Variants in GOLGA4 observed in about 807,000 individuals in gnomAD.
GOLGA4 encodes golgin A4, also known as golgin subfamily A member 4.
A neutral mutation model predicts 265.9 loss-of-function variants in GOLGA4; 169 were observed. The observed-to-expected ratio is 0.64, with a 90% CI of 0.56 to 0.72. The LOEUF (loss-of-function observed/expected upper bound fraction) is 0.72, where lower values mean the gene tolerates loss of function less well. GOLGA4 is among the 30% of genes least tolerant of loss of function. The pLI is 0.00. For missense variants in GOLGA4, 2,482 were observed against 2,483.4 expected (o/e 1.00, Z 0.01); for synonymous variants, 923 against 855.8 (o/e 1.08, Z -1.37).
chr3:37,269,948 C>T (rs1244400694), intron 2 of GOLGA4, among the ~76,000 whole-genome samples: 1 of 122,454 alleles, frequency 8.2e-6, no homozygotes, highest in Non-Finnish European at 1.6e-5. Flanking sequence ...GGCTGAAGTG[C>T]AGTGTTGTGA....
intron 21 of GOLGA4, among the ~76,000 whole-genome samples, chr3:37,349,611 T>C (rs1225878667): frequency 6.6e-6 from 1 of 152,154 alleles, no homozygotes; most frequent in Non-Finnish European, 1.5e-5. Flanking sequence ...CCTGTAGGTA[T>C]TGGGAGGGGG....
intron 10 of GOLGA4, among the ~76,000 whole-genome samples, chr3:37,311,717 A>C (rs2150912923): frequency 6.6e-6 from 1 of 152,296 alleles, no homozygotes; most frequent in Admixed American, 6.5e-5. Context: ...TTTAGATGAA[A>C]AGAACTGTGA....
At position 37,327,267 on chromosome 3, in the gene GOLGA4, T is replaced by C. The variant is rs78214260; in HGVS notation, c.5381T>C (p.Ile1794Thr). ...EAKQHEDQSM[I>T]GHLQEELEEK... is the part of the protein sequence containing the mutation. ...AAGCAACATGAAGATCAAAGTATGA[T>C]AGGTCATCTTCAAGAGGAGCTTGAA... The change falls in exon 14 of 24, where the codon ATA (isoleucine) becomes ACA (threonine). Residue 1794 changes from isoleucine (I) to threonine (T), a missense_variant. Ile to Thr is a moderately conservative substitution (Grantham distance 89). This residue lies in a region of GOLGA4 where 942 missense variants were observed against 983.1 expected (regional missense o/e 0.96). Transcript: ENST00000361924. 0.032 allele frequency: 51,955 copies of C among 1,613,466 alleles called. 1,028 individuals are homozygous for C. The highest frequency in any genetic ancestry group is 0.056 in the African/African-American group (4,197 of 74,976).
intron 2 of GOLGA4, among the ~76,000 whole-genome samples, chr3:37,278,813 C>CTT (rs1267375433): frequency 1.6e-4 from 21 of 131,380 alleles, no homozygotes; most frequent in South Asian, 2.5e-4. Context: ...AGTTTGTTTA[C>CTT]TTTTTTTTTT....
In GOLGA4 at chr3:37,282,080, A is replaced by T. The variant is rs747273394; in HGVS notation, c.285A>T (p.Arg95=). The change falls in exon 3 of 24, where the codon CGA becomes CGT. Residue 95 remains arginine (R), a synonymous_variant. Transcript: ENST00000361924. The part of the protein sequence containing the change: ...FRSSSKESLV[R]TSSRESLNRL... ...CTTCTTCTAAAGAGTCTTTGGTACG[A>T]ACATCTTCCAGAGAATCCCTGAATC... 6.2e-7 allele frequency: 1 copy of T among 1,614,042 alleles called. No homozygotes were observed. The highest frequency in any genetic ancestry group is 8.5e-7 in the Non-Finnish European group (1 of 1,179,996).
At chr3:37,247,026 T>TC (rs1268516183) in intron 1 of GOLGA4, among the ~76,000 whole-genome samples, 1 of 152,246 alleles carries the variant, frequency 6.6e-6, no homozygotes, top group Non-Finnish European at 1.5e-5. Context: ...CTAAATAGTT[T>TC]CAGTCTTGAA....
intron 21 of GOLGA4, among the ~76,000 whole-genome samples, chr3:37,351,314 A>G (rs2097073736): frequency 6.6e-6 from 1 of 152,080 alleles, no homozygotes; most frequent in African/African-American, 2.4e-5. Flanking sequence ...CTCTGCTTCT[A>G]ATTCTGGTTC....
At chr3:37,335,007 T>C (rs2097005122) in intron 16 of GOLGA4, 46 bp from the exon 17 acceptor site, 2 of 1,170,576 alleles carry the variant, frequency 1.7e-6, no homozygotes, top group African/African-American at 3.7e-5. Context: ...TTACTAATGC[T>C]TCTTTTTTTT....
At position 37,352,415 on chromosome 3, in the gene GOLGA4, G is replaced by T. The variant is rs115891252; in HGVS notation, c.6577-2686G>T. 2.7e-3 allele frequency among the ~76,000 whole-genome samples: 405 copies of T among 151,920 alleles called. 3 individuals carry two copies. The highest frequency in any genetic ancestry group is 9.4e-3 in the African/African-American group (390 of 41,434). On this transcript the variant is annotated intron_variant, in intron 21 of 23. Coordinates refer to ENST00000361924, the MANE Select transcript of GOLGA4 (RefSeq NM_002078.5). ...TCACTATCACAAGAACAGCAGCATG[G>T]GGGTAACTGCGCCCATGATTCAGTT...
intron 2 of GOLGA4, among the ~76,000 whole-genome samples, chr3:37,267,324 C>T (rs975021475): frequency 1.3e-5 from 2 of 152,218 alleles, no homozygotes; most frequent in African/African-American, 2.4e-5. Context: ...ATATGACTTA[C>T]ATTTTTAGGG....
intron 10 of GOLGA4, among the ~76,000 whole-genome samples, chr3:37,305,659 A>G (rs4574224): frequency 0.28 from 43,079 of 152,172 alleles, 7,639 homozygotes; most frequent in Non-Finnish European, 0.4. Context: ...AAGGCTAAAT[A>G]TAAGAACTGG....
intron 2 of GOLGA4, among the ~76,000 whole-genome samples, chr3:37,267,398 G>C (rs2096786675): frequency 6.6e-6 from 1 of 152,172 alleles, no homozygotes; most frequent in Non-Finnish European, 1.5e-5. Context: ...AGATTCTACT[G>C]TATTAGATAA....
At chr3:37,365,590 A>G (rs1696687460) in intron 23 of GOLGA4, among the ~76,000 whole-genome samples, 1 of 151,784 alleles carries the variant, frequency 6.6e-6, no homozygotes, top group African/African-American at 2.4e-5. Context: ...TTCCAGTCCA[A>G]TATTTGTGAG....
chr3:37,323,870 A>C lies in GOLGA4; in HGVS notation c.1984A>C (p.Ile662Leu), dbSNP rs754832007. The C allele has an allele frequency of 6.2e-7, 1 of 1,612,482 alleles. No homozygotes were observed. The highest frequency in any genetic ancestry group is 1.1e-5 in the South Asian group (1 of 90,476). ...EKETLLKDKE[I>L]IFQAHIEEMN... ...AGAAACATTGTTGAAAGACAAAGAGATTATCTTCCAGGCCCACATAGAAGA... is the reference window on the plus strand; with the variant it reads ...AGAAACATTGTTGAAAGACAAAGAGCTTATCTTCCAGGCCCACATAGAAGA... Residue 662 changes from isoleucine (I) to leucine (L), a missense_variant, in exon 14 of 24, where the codon ATT becomes CTT. This residue lies in a region of GOLGA4 where 1,536 missense variants were observed against 1,483.7 expected (regional missense o/e 1.04). Transcript: ENST00000361924.
chr3:37,328,599 T>A, intron 15 of GOLGA4, 62 bp downstream of exon 15: 1 of 1,469,486 alleles, frequency 6.8e-7, no homozygotes, highest in African/African-American at 1.4e-5. Context: ...TTTAAGCTTA[T>A]CATTTTTGCA....
At chr3:37,297,409 TC>T (rs1237158490) in intron 7 of GOLGA4, among the ~76,000 whole-genome samples, 1 of 152,198 alleles carries the variant, frequency 6.6e-6, no homozygotes, top group Non-Finnish European at 1.5e-5. Context: ...TTACCAGAAC[TC>T]CTCTCAGAAA....
At chr3:37,363,080 C>T (rs1445926621) in intron 23 of GOLGA4, among the ~76,000 whole-genome samples, 1 of 152,094 alleles carries the variant, frequency 6.6e-6, no homozygotes, top group Non-Finnish European at 1.5e-5. Context: ...CTGTGCCTGG[C>T]CCTCTAAGCT....
chr3:37,321,377 CTAGACT>C (rs1239637487), intron 12 of GOLGA4, among the ~76,000 whole-genome samples: 1 of 152,134 alleles, frequency 6.6e-6, no homozygotes, highest in Non-Finnish European at 1.5e-5. Flanking sequence ...AATCTAGTTT[CTAGACT>C]TAGAGTAGAA....
chr3:37,364,462 G>A (rs746710565), intron 23 of GOLGA4, among the ~76,000 whole-genome samples: 10 of 151,868 alleles, frequency 6.6e-5, no homozygotes, highest in Non-Finnish European at 1.3e-4. Context: ...GGCTGGTCTC[G>A]AACTCCTGAC....
Sources: gnomAD v4.1 joint callset for allele counts (sites outside exome capture counted in the v4.1 genomes callset) on GRCh38, gnomAD v4.1.1 for gene constraint, gnomAD v4.1.1 regional missense constraint, MANE v1.5 for transcripts, NCBI Gene and HGNC (gene_info 2026-07-23, HGNC 2026-07-21) for gene names.